The following PAFAH1B1 variants were observed in gnomAD, a reference collection of about 807,000 sequenced individuals.
PAFAH1B1 encodes the protein platelet activating factor acetylhydrolase 1b regulatory subunit 1.
Under a neutral mutation model 57.5 loss-of-function variants are expected in PAFAH1B1, and 2 were observed. The observed-to-expected ratio is 0.03, with a 90% CI of 0.01 to 0.11. PAFAH1B1 has a LOEUF of 0.11. Among genes scored for constraint, PAFAH1B1 ranks in the 10% least tolerant of loss-of-function variants. The pLI is 1.00. For missense variants in PAFAH1B1, 257 were observed against 512.0 expected, an observed-to-expected ratio of 0.50 and a Z score of 4.81; for synonymous variants, 152 against 169.6, an observed-to-expected ratio of 0.90 and a Z score of 0.81.
intron 1 of PAFAH1B1, among the ~76,000 whole-genome samples, chr17:2,609,915 C>G (rs2068248089): frequency 1.3e-5 from 2 of 152,204 alleles, no homozygotes; most frequent in Non-Finnish European, 2.9e-5. Context: ...GCCTTTGCCT[C>G]CTGGGTTCAA....
At chr17:2,650,675 A>G (rs2068837783) in intron 2 of PAFAH1B1, among the ~76,000 whole-genome samples, 1 of 151,960 alleles carries the variant, frequency 6.6e-6, no homozygotes, top group African/African-American at 2.4e-5. Context: ...GTTAATTGAA[A>G]AAATCAAATT....
intron 1 of PAFAH1B1, among the ~76,000 whole-genome samples, chr17:2,635,953 CAA>C (rs560825633): frequency 0.037 from 2,597 of 70,834 alleles, 57 homozygotes; most frequent in African/African-American, 0.094. Flanking sequence ...TAGAAAAATA[CAA>C]AAAAAAAAAA....
intron 1 of PAFAH1B1, among the ~76,000 whole-genome samples, chr17:2,620,999 A>C (rs536712424): frequency 6.6e-6 from 1 of 152,326 alleles, no homozygotes; most frequent in Non-Finnish European, 1.5e-5. Context: ...TACAAAACTA[A>C]AGATAATTGA....
At chr17:2,606,347 A>G (rs1220170850) in intron 1 of PAFAH1B1, among the ~76,000 whole-genome samples, 1 of 152,114 alleles carries the variant, frequency 6.6e-6, no homozygotes, top group Non-Finnish European at 1.5e-5. Context: ...AATGGAAAAA[A>G]AGTGCTTTTT....
chr17:2,627,594 A>G (rs2068508886), intron 1 of PAFAH1B1, among the ~76,000 whole-genome samples: 1 of 152,114 alleles, frequency 6.6e-6, no homozygotes. Context: ...GTTCCACATA[A>G]ATTTTAGAAT....
chr17:2,658,231 C>G (rs1450107020), intron 2 of PAFAH1B1, among the ~76,000 whole-genome samples: 9 of 152,130 alleles, frequency 5.9e-5, no homozygotes. Context: ...GTGACATTCT[C>G]TCTCCCTCTC....
At chr17:2,601,804 C>G (rs980200421) in intron 1 of PAFAH1B1, among the ~76,000 whole-genome samples, 4 of 152,138 alleles carry the variant, frequency 2.6e-5, no homozygotes, top group African/African-American at 9.7e-5. Flanking sequence ...GTCTCAAACT[C>G]CTAGCCTAAG....
At chr17:2,630,236 T>G (rs941234216) in intron 1 of PAFAH1B1, among the ~76,000 whole-genome samples, 1 of 152,208 alleles carries the variant, frequency 6.6e-6, no homozygotes. Context: ...AGGTTCTGTT[T>G]TGATGTGTTT....
At chr17:2,650,027 T>G (rs975828250) in intron 2 of PAFAH1B1, among the ~76,000 whole-genome samples, 2 of 152,064 alleles carry the variant, frequency 1.3e-5, no homozygotes, top group African/African-American at 4.8e-5. Flanking sequence ...GTATAAAATG[T>G]AGAAACAAAA....
chr17:2,627,363 T>C (rs1394134716), intron 1 of PAFAH1B1, among the ~76,000 whole-genome samples: 2 of 152,130 alleles, frequency 1.3e-5, no homozygotes, highest in African/African-American at 4.8e-5. Context: ...TTCCCTACTT[T>C]ATGTGTTTGT....
chr17:2,614,021 G>GGTTTTT (rs765716773), intron 1 of PAFAH1B1: 2 of 96,972 alleles, frequency 2.1e-5, no homozygotes, highest in South Asian at 3.3e-4. Flanking sequence ...TATATATTGG[G>GGTTTTT]TTTTTTTTTT....
chr17:2,601,909 A>G (rs182879003), intron 1 of PAFAH1B1, among the ~76,000 whole-genome samples: 50 of 152,370 alleles, frequency 3.3e-4, no homozygotes, highest in Admixed American at 2.6e-3. Context: ...AAATATTTTT[A>G]AAGTTGACAA....
chr17:2,664,408 T>G (rs1311025258), intron 2 of PAFAH1B1, among the ~76,000 whole-genome samples: 14 of 107,564 alleles, frequency 1.3e-4, no homozygotes, highest in Admixed American at 7.8e-4. Context: ...ACACCTGGCC[T>G]TTTTTTTTTT....
Position 2,685,102 on chromosome 17 carries a change from A to C in PAFAH1B1, c.*3300A>C, listed in dbSNP as rs1232934062. ...GTGTGTTCATCTAGATGACGCAAAGAATCTCCTGGTAGAGAAGCGACATGT... is the reference window on the plus strand; with the variant it reads ...GTGTGTTCATCTAGATGACGCAAAGCATCTCCTGGTAGAGAAGCGACATGT... On this transcript the variant is annotated 3_prime_UTR_variant, in exon 11 of 11. Coordinates refer to ENST00000397195, the MANE Select transcript of PAFAH1B1 (RefSeq NM_000430.4). 1 of 146,996 alleles carries C rather than the reference A, an allele frequency of 6.8e-6. No homozygotes were observed. The highest frequency in any genetic ancestry group is 1.5e-5 in the Non-Finnish European group (1 of 67,536). 9.1% of individuals were successfully genotyped at this position (146,996 alleles called of 1,614,324 possible). A position where few individuals can be genotyped will look rare whatever the true frequency, so the allele number is the denominator to read the frequency against.
chr17:2,648,560 C>T (rs1304428632), intron 2 of PAFAH1B1, among the ~76,000 whole-genome samples: 2 of 151,758 alleles, frequency 1.3e-5, no homozygotes, highest in African/African-American at 4.8e-5. Context: ...CACCTGTAGC[C>T]CCAGCTAATT....
intron 8 of PAFAH1B1, among the ~76,000 whole-genome samples, chr17:2,675,672 C>T (rs964447721): frequency 1.1e-4 from 17 of 149,798 alleles, no homozygotes; most frequent in African/African-American, 2.2e-4. Context: ...ATACTAATGA[C>T]GGAAAAAATT....
chr17:2,615,932 G>A (rs2068334299), intron 1 of PAFAH1B1, among the ~76,000 whole-genome samples: 1 of 152,162 alleles, frequency 6.6e-6, no homozygotes, highest in African/African-American at 2.4e-5. Flanking sequence ...GACACAAGGA[G>A]AGAAAAGTAA....
intron 1 of PAFAH1B1, among the ~76,000 whole-genome samples, chr17:2,608,756 C>T (rs530017321): frequency 1.3e-5 from 2 of 152,306 alleles, no homozygotes; most frequent in East Asian, 3.9e-4. Context: ...GCGACCTCAT[C>T]TCTAAAAATA....
intron 2 of PAFAH1B1, among the ~76,000 whole-genome samples, chr17:2,662,304 G>A (rs1399391008): frequency 6.6e-6 from 1 of 151,706 alleles, no homozygotes; most frequent in Non-Finnish European, 1.5e-5. Flanking sequence ...ATGGATAAAA[G>A]TCCTTCATCT....
Sources: allele counts gnomAD v4.1 joint callset (sites outside exome capture counted in the v4.1 genomes callset), GRCh38; gene constraint gnomAD v4.1.1; transcripts MANE v1.5; gene names NCBI Gene and HGNC (gene_info 2026-07-23, HGNC 2026-07-21).